Variants in MBD1 observed in about 807,000 individuals in gnomAD.
MBD1 encodes the protein methyl-CpG-binding domain protein 1.
Under a neutral mutation model 82.6 loss-of-function variants are expected in MBD1, and 25 were observed. That is an observed-to-expected ratio of 0.30 (90% confidence interval 0.22 to 0.42). MBD1 has a LOEUF of 0.42. Among genes scored for constraint, MBD1 ranks in the 10% least tolerant of loss-of-function variants. MBD1 has a pLI of 1.00. For synonymous variants in MBD1, 301 were observed against 303.7 expected (o/e 0.99, Z 0.09); for missense variants, 627 against 819.6 (o/e 0.76, Z 2.87).
Position 50,275,726 on chromosome 18 carries a change from G to A in MBD1, c.666C>T (p.Ser222=). 1.9e-6 allele frequency: 3 copies of A among 1,614,208 alleles called. No homozygotes were observed. The highest frequency in any genetic ancestry group is 2.2e-5 in the East Asian group (1 of 44,878). The stretch of plus-strand genomic sequence containing the variant: ...AGCCCCGGCATACTCCACACCCTCG[G>A]CTCTGTTGGCGGGGGGCAGGTGGGA... ...RRRCLRIVER[S]RGCGVCRGCQ... The change falls in exon 8 of 17, where the codon AGC becomes AGT. Residue 222 remains serine (S), a splice_region_variant and synonymous_variant. Transcript: ENST00000269468.
chr18:50,268,244 G>C (rs1010788793), downstream of MBD1, among the ~76,000 whole-genome samples: 1 of 152,200 alleles, frequency 6.6e-6, no homozygotes, highest in South Asian at 2.1e-4. Context: ...GGGAAAATCG[G>C]CGCAGATTCG....
rs1384783030 is a variant in MBD1, at chr18:50,275,998, G to A, written c.517-17C>T. 6.2e-7 allele frequency: 1 copy of A among 1,609,172 alleles called. No homozygotes were observed. Among genetic ancestry groups the A allele is most frequent in the Middle Eastern group, 2.0e-4 (1 of 4,924 alleles). On this transcript the variant is annotated splice_polypyrimidine_tract_variant and intron_variant, in intron 6 of 16. Transcript: ENST00000269468. ...GCCCACACGCTGCCAGGAATGGTAG[G>A]GACGAGATCACGGGCCTGCTCCAGA...
chr18:50,272,485 T>C lies in MBD1; in HGVS notation c.1778+192A>G. ...AAAGGAGAGTCCTAACCTGGAATGC[T>C]ATTGGGCTGGATCTCAGGAGAAATC... is the stretch of plus-strand genomic sequence containing the variant. On this transcript the variant is annotated intron_variant, in intron 15 of 16. Transcript: ENST00000269468. 4 of 692,606 alleles carry C rather than the reference T, an allele frequency of 5.8e-6. No individual in the cohort carries two copies. In the Admixed American group the frequency reaches 8.0e-5, roughly 14 times the overall value. The allele number at this position is 692,606 out of a possible 1,614,324, so 42.9% of individuals were successfully genotyped here.
At chr18:50,270,373 G>C (rs1047041808) in intron 16 of MBD1, 1 of 569,712 alleles carries the variant, frequency 1.8e-6, no homozygotes, top group African/African-American at 1.8e-5. Flanking sequence ...TATGAATGAA[G>C]AATTGGGAGA....
At position 50,275,023 on chromosome 18, in the gene MBD1, G is replaced by A. The variant is rs752431743; in HGVS notation, c.932C>T (p.Ser311Leu). 1.9e-6 allele frequency: 3 copies of A among 1,614,202 alleles called. No individual in the cohort carries two copies. The highest frequency in any genetic ancestry group is 2.5e-6 in the Non-Finnish European group (3 of 1,180,028). Residue 311 changes from serine to leucine, a missense_variant, in exon 10 of 17, where the codon TCG (serine) becomes TTG (leucine). Coordinates refer to ENST00000269468, the MANE Select transcript of MBD1 (RefSeq NM_015846.4). ...TEPHPRALAPSPPAEFIYYCV... is the reference protein window; with the variant it reads ...TEPHPRALAPLPPAEFIYYCV... ...GTAATAGATGAACTCGGCAGGTGGC[G>A]AGGGGGCCAGGGCTCTGGGGTGCTG...
intron 2 of MBD1, 88 bp from the exon 3 acceptor site, chr18:50,277,292 G>C: frequency 9.4e-7 from 1 of 1,068,942 alleles, no homozygotes; most frequent in African/African-American, 1.6e-5. Flanking sequence ...GCAGGATATA[G>C]GAGGCAGCCT....
At chr18:50,270,272 C>T in intron 16 of MBD1, 1 of 959,968 alleles carries the variant, frequency 1.0e-6, no homozygotes, top group Non-Finnish European at 1.7e-6. Flanking sequence ...GCAAGGGAGG[C>T]ACACAGGATA....
At chr18:50,268,753 G>A (rs1287434801), downstream of MBD1, 1 of 254,800 alleles carries the variant, frequency 3.9e-6, no homozygotes, top group Non-Finnish European at 6.2e-6. Context: ...AAGTGACCTT[G>A]ATTTGATCTT....
intron 2 of MBD1, 27 bp downstream of exon 2, chr18:50,279,856 T>C (rs749054346): frequency 1.2e-6 from 2 of 1,613,646 alleles, no homozygotes; most frequent in African/African-American, 2.7e-5. Flanking sequence ...ACCCCACTCC[T>C]GACTCTGCCC....
chr18:50,276,460 A>C, intron 5 of MBD1, 42 bp from the exon 6 acceptor site: 5 of 1,600,366 alleles, frequency 3.1e-6, no homozygotes, highest in Non-Finnish European at 3.4e-6. Flanking sequence ...GAAAGGAAGC[A>C]ACAGACATCT....
rs921428810 is a variant in MBD1 at position 50,281,426 on chromosome 18, T to C, written c.-89A>G. On this transcript the variant is annotated 5_prime_UTR_variant, in exon 1 of 17. Transcript: ENST00000269468. ...CCCGTGGACCCATGGCGAGGGTCCC[T>C]CCTGCACCTCCCGCCTCGCCCTCCT... 2.0e-5 allele frequency: 12 copies of C among 601,558 alleles called. No individual in the cohort carries two copies. Among genetic ancestry groups the C allele is most frequent in the African/African-American group, 1.9e-4 (10 of 54,004 alleles). 37.3% of individuals were successfully genotyped at this position (601,558 alleles called of 1,614,324 possible).
intron 1 of MBD1, among the ~76,000 whole-genome samples, chr18:50,280,498 G>A (rs1370117162): frequency 6.6e-6 from 1 of 151,584 alleles, no homozygotes; most frequent in Non-Finnish European, 1.5e-5. Flanking sequence ...CTTGACCCAG[G>A]AGTTCCTAAT....
At chr18:50,270,978 A>G (rs1373670867) in intron 16 of MBD1, 3 of 941,726 alleles carry the variant, frequency 3.2e-6, no homozygotes, top group Admixed American at 5.2e-5. Context: ...GACAAAATCA[A>G]TGTCTTCCCA....
intron 10 of MBD1, 127 bp downstream of exon 10, chr18:50,274,850 A>G: frequency 1.0e-6 from 1 of 952,758 alleles, no homozygotes; most frequent in East Asian, 2.6e-5. Flanking sequence ...TTATCTACTC[A>G]TCCCATCCTA....
rs1388647501 is a variant in MBD1, at chr18:50,273,871, G to A, written c.1147-8C>T. 1.2e-6 allele frequency: 2 copies of A among 1,611,438 alleles called. No individual in the cohort carries two copies. Among genetic ancestry groups the A allele is most frequent in the Admixed American group, 3.3e-5 (2 of 60,026 alleles). On this transcript the variant is annotated splice_region_variant and splice_polypyrimidine_tract_variant and intron_variant, in intron 11 of 16. Coordinates refer to ENST00000269468, the MANE Select transcript of MBD1 (RefSeq NM_015846.4). Reference sequence around the variant, plus strand: ...ACTGGGCAGCAGCCGCTTCTATGGGGAAAGATAGGGTGCTATGGCTACCTG... The same window carrying A: ...ACTGGGCAGCAGCCGCTTCTATGGGAAAAGATAGGGTGCTATGGCTACCTG...
downstream of MBD1, chr18:50,267,669 A>G (rs535707838): frequency 3.9e-5 from 60 of 1,534,732 alleles, 1 homozygote; most frequent in East Asian, 1.3e-3. Context: ...AATACCTAAA[A>G]GCCAATTAAG....
chr18:50,280,066 C>A (rs755627613), intron 1 of MBD1, 49 bp from the exon 2 acceptor site: 2 of 1,532,108 alleles, frequency 1.3e-6, no homozygotes, highest in South Asian at 2.3e-5. Flanking sequence ...TAGGAAGGGA[C>A]AACACTGTGC....
At chr18:50,272,596 T>C (rs891916451) in intron 15 of MBD1, 81 bp downstream of exon 15, 26 of 1,513,116 alleles carry the variant, frequency 1.7e-5, no homozygotes, top group Middle Eastern at 3.5e-4. Context: ...CATGCCAAAC[T>C]GCCGGCTATA....
At position 50,281,457 on chromosome 18, in the gene MBD1, T is replaced by C. The variant is rs932837313; in HGVS notation, c.-120A>G. ...ACCTCCCGCCTCGCCCTCCTCCCCTTCCTCCTCCTCCGCGGCCGCCTCCTC... is the reference window on the plus strand; with the variant it reads ...ACCTCCCGCCTCGCCCTCCTCCCCTCCCTCCTCCTCCGCGGCCGCCTCCTC... On this transcript the variant is annotated 5_prime_UTR_variant, in exon 1 of 17. Transcript: ENST00000269468. 1.7e-6 allele frequency: 1 copy of C among 583,166 alleles called. No individual in the cohort carries two copies. Among genetic ancestry groups the C allele is most frequent in the Non-Finnish European group, 3.1e-6 (1 of 327,024 alleles). The allele number at this position is 583,166 out of a possible 1,614,324, so 36.1% of individuals were successfully genotyped here.
Sources: gnomAD v4.1 joint callset for allele counts (sites outside exome capture counted in the v4.1 genomes callset) on GRCh38, gnomAD v4.1.1 for gene constraint, MANE v1.5 for transcripts, NCBI Gene and HGNC (gene_info 2026-07-23, HGNC 2026-07-21) for gene names.